The following ZHX2 variants were observed in gnomAD, a reference collection of about 807,000 sequenced individuals.
ZHX2 encodes the protein zinc fingers and homeoboxes 2, also known as zinc fingers and homeoboxes protein 2.
A neutral mutation model predicts 21.9 loss-of-function variants in ZHX2; 6 were observed. The observed-to-expected ratio is 0.27, with a 90% confidence interval of 0.15 to 0.54. ZHX2 has a LOEUF of 0.54. ZHX2 is among the 20% of genes least tolerant of loss of function. The pLI is 0.95. For missense variants in ZHX2, 908 were observed against 1,090.7 expected, an observed-to-expected ratio of 0.83 and a Z score of 2.36; for synonymous variants, 434 against 437.1, an observed-to-expected ratio of 0.99 and a Z score of 0.09.
chr8:122,885,591 A>G (rs1325613137), intron 2 of ZHX2, among the ~76,000 whole-genome samples: 4 of 152,136 alleles, frequency 2.6e-5, no homozygotes, highest in Non-Finnish European at 5.9e-5. Flanking sequence ...TGAGGAATCA[A>G]TTTTACCTCC....
rs754248366 is a variant in ZHX2 at position 122,952,409 on chromosome 8, A to G, written c.899A>G (p.Lys300Arg). Reference protein sequence around the residue: ...AELSWLTAASKHPEEHIRIWF... With the variant: ...AELSWLTAASRHPEEHIRIWF... ...TTGTCCTGGCTGACAGCTGCCTCCA[A>G]ACACCCAGAGGAGCACATCAGAATC... Residue 300 changes from lysine (K) to arginine (R), a missense_variant, in exon 3 of 4, where the codon AAA becomes AGA. By Grantham distance (26) the Lys-to-Arg change is conservative (BLOSUM62 2). Around this residue, in one of 4 missense-constraint regions of ZHX2, gnomAD observed 232 missense variants for 361.8 expected, o/e 0.64. Coordinates refer to ENST00000314393, the MANE Select transcript of ZHX2 (RefSeq NM_014943.5). This position sits in a 1 kb window ranked among gnomAD's most constrained non-coding sequence, Gnocchi z 6.9. 2.0e-5 allele frequency: 32 copies of G among 1,614,012 alleles called. No individual in the cohort carries two copies. The highest frequency in any genetic ancestry group is 2.7e-5 in the Non-Finnish European group (32 of 1,180,034).
chr8:122,876,573 G>T (rs1015688167), intron 2 of ZHX2, among the ~76,000 whole-genome samples: 2 of 152,180 alleles, frequency 1.3e-5, no homozygotes, highest in Non-Finnish European at 2.9e-5. Flanking sequence ...GGGAGCCAAC[G>T]TGATGCCAGG....
intron 1 of ZHX2, among the ~76,000 whole-genome samples, chr8:122,856,143 G>C (rs556631307): frequency 3.3e-5 from 5 of 152,218 alleles, no homozygotes; most frequent in Non-Finnish European, 7.3e-5. Flanking sequence ...GGTCAGAGAA[G>C]ATCAAGTATT....
intron 1 of ZHX2, among the ~76,000 whole-genome samples, chr8:122,839,094 T>C (rs1818567094): frequency 6.6e-6 from 1 of 152,206 alleles, no homozygotes; most frequent in Admixed American, 6.5e-5. Flanking sequence ...ATAGAAGTTA[T>C]ATGTTGGAGC....
At chr8:122,806,666 A>G (rs187832568) in intron 1 of ZHX2, among the ~76,000 whole-genome samples, 16 of 152,372 alleles carry the variant, frequency 1.1e-4, no homozygotes, top group Non-Finnish European at 1.6e-4. Context: ...CTTAAGGTCA[A>G]GACGAAGGGT....
chr8:122,902,137 TG>T (rs769389627), intron 2 of ZHX2, among the ~76,000 whole-genome samples: 5 of 152,204 alleles, frequency 3.3e-5, no homozygotes, highest in Non-Finnish European at 5.9e-5. Flanking sequence ...GGAAAGTAAC[TG>T]GAACAGATCA....
rs1022628879 is a variant in ZHX2, at chr8:122,807,917, G to A, written c.-283+25971G>A. On this transcript the variant is annotated intron_variant, in intron 1 of 3. Transcript: ENST00000314393. ...CCCTCTTTATTAGAGAATGGTAGAG[G>A]TGAGATCTCAGCTTTACCCCTTTTA... 16 of 152,306 alleles carry A rather than the reference G, an allele frequency of 1.1e-4. No individual in the cohort carries two copies. In the South Asian group the frequency reaches 1.2e-3, roughly 12 times the overall value. 9.4% of individuals were successfully genotyped at this position (152,306 alleles called of 1,614,324 possible). A position where few individuals can be genotyped will look rare whatever the true frequency, so the allele number is the denominator to read the frequency against.
intron 1 of ZHX2, among the ~76,000 whole-genome samples, chr8:122,838,717 A>C (rs1312352617): frequency 6.6e-6 from 1 of 151,694 alleles, no homozygotes; most frequent in Non-Finnish European, 1.5e-5. Flanking sequence ...AGCTGGGACT[A>C]CAAGCACGTG....
Position 122,952,868 on chromosome 8 carries a change from A to G in ZHX2, c.1358A>G (p.His453Arg), listed in dbSNP as rs779211674. ...DRKKTKEQIAHLKASFLQSQF... is the reference protein window; with the variant it reads ...DRKKTKEQIARLKASFLQSQF... ...AAGAAGACAAAGGAGCAGATAGCAC[A>G]TCTCAAGGCCAGCTTTCTCCAGAGC... Residue 453 changes from histidine to arginine, a missense_variant, in exon 3 of 4, where the codon CAT becomes CGT. Physicochemically the swap from His to Arg is conservative, Grantham distance 29. Around this residue, in one of 4 missense-constraint regions of ZHX2, gnomAD observed 232 missense variants for 361.8 expected, o/e 0.64. Coordinates refer to ENST00000314393, the MANE Select transcript of ZHX2 (RefSeq NM_014943.5). The surrounding 1 kb of genome is among the most constrained non-coding windows in gnomAD (Gnocchi z 6.9). 1.2e-6 allele frequency: 2 copies of G among 1,614,176 alleles called. No homozygotes were observed. Among genetic ancestry groups the G allele is most frequent in the South Asian group, 2.2e-5 (2 of 91,078 alleles).
At chr8:122,971,609 T>TCCAAAAAAA (rs1225987075) in intron 3 of ZHX2, among the ~76,000 whole-genome samples, 3 of 7,036 alleles carry the variant, frequency 4.3e-4, no homozygotes, top group African/African-American at 2.6e-3. Flanking sequence ...TTGGCCCCTG[T>TCCAAAAAAA]ACAAAAAAAA....
At chr8:122,963,024 C>G (rs2130348681) in intron 3 of ZHX2, among the ~76,000 whole-genome samples, 1 of 152,122 alleles carries the variant, frequency 6.6e-6, no homozygotes, top group African/African-American at 2.4e-5. Flanking sequence ...GATATTAGTC[C>G]TTTGTCAGAT....
intron 1 of ZHX2, among the ~76,000 whole-genome samples, chr8:122,858,357 G>T (rs937752871): frequency 1.2e-4 from 19 of 152,230 alleles, no homozygotes; most frequent in African/African-American, 4.6e-4. Flanking sequence ...TGACCCTCGG[G>T]GAGGGCATTT....
chr8:122,860,582 T>C (rs946522509), intron 1 of ZHX2, among the ~76,000 whole-genome samples: 1 of 152,194 alleles, frequency 6.6e-6, no homozygotes, highest in Non-Finnish European at 1.5e-5. Context: ...TTAGTAACTT[T>C]AGGACCTGAG....
intron 2 of ZHX2, among the ~76,000 whole-genome samples, chr8:122,946,046 C>G (rs1013603017): frequency 6.6e-6 from 1 of 152,250 alleles, no homozygotes; most frequent in Non-Finnish European, 1.5e-5. Flanking sequence ...CCACGACTTG[C>G]AACAGGTCTG....
At chr8:122,846,252 A>T (rs1818747413) in intron 1 of ZHX2, among the ~76,000 whole-genome samples, 1 of 152,178 alleles carries the variant, frequency 6.6e-6, no homozygotes, top group Non-Finnish European at 1.5e-5. Flanking sequence ...GGATCCTTGC[A>T]AACTTGTCAG....
At chr8:122,923,806 A>T (rs1820790868) in intron 2 of ZHX2, among the ~76,000 whole-genome samples, 2 of 152,122 alleles carry the variant, frequency 1.3e-5, no homozygotes, top group African/African-American at 4.8e-5. Context: ...TGCAAACCAG[A>T]ATTCTGGAAT....
chr8:122,851,965 C>T lies in ZHX2; in HGVS notation c.-282-11512C>T, dbSNP rs576594305. On this transcript the variant is annotated intron_variant, in intron 1 of 3. Coordinates refer to ENST00000314393, the MANE Select transcript of ZHX2 (RefSeq NM_014943.5). ...AGAAGGACAGCGGCCGTGCTTGCAA[C>T]GTCTGAGCAGATCCCTCCGAATTGA... 5.2e-4 allele frequency among the ~76,000 whole-genome samples: 79 copies of T among 152,336 alleles called. 1 individual carries two copies. The highest frequency in any genetic ancestry group is 1.7e-3 in the African/African-American group (72 of 41,582).
At chr8:122,823,160 A>G (rs1818191750) in intron 1 of ZHX2, among the ~76,000 whole-genome samples, 1 of 152,128 alleles carries the variant, frequency 6.6e-6, no homozygotes, top group Non-Finnish European at 1.5e-5. Flanking sequence ...TTATTCCTTT[A>G]TCAAGACAGA....
intron 2 of ZHX2, among the ~76,000 whole-genome samples, chr8:122,880,774 CA>C (rs35751946): frequency 0.16 from 12,367 of 77,542 alleles, 1,566 homozygotes; most frequent in African/African-American, 0.37. Context: ...GACTCCACCT[CA>C]AAAAAAAAAA....
Sources: allele counts gnomAD v4.1 joint callset (sites outside exome capture counted in the v4.1 genomes callset), GRCh38; gene constraint gnomAD v4.1.1; regional missense constraint gnomAD v4.1.1; non-coding constraint Gnocchi (gnomAD v3.1); transcripts MANE v1.5; gene names NCBI Gene and HGNC (gene_info 2026-07-23, HGNC 2026-07-21).